FAM107B: variants seen among roughly 807,000 people sequenced by gnomAD.
FAM107B encodes the protein protein FAM107B.
Under a neutral mutation model 31.5 loss-of-function variants are expected in FAM107B, and 21 were observed. The observed-to-expected ratio is 0.67, with a 90% CI of 0.47 to 0.96. The LOEUF (loss-of-function observed/expected upper bound fraction) is 0.96. Among genes scored for constraint, FAM107B ranks in the 40% least tolerant of loss-of-function variants. FAM107B has a pLI of 0.00. For synonymous variants in FAM107B, 157 were observed against 141.5 expected (o/e 1.11, Z -0.78); for missense variants, 452 against 377.1 (o/e 1.20, Z -1.64).
chr10:14,706,906 C>G (rs1855533079), intron 1 of FAM107B, among the ~76,000 whole-genome samples: 1 of 152,164 alleles, frequency 6.6e-6, no homozygotes, highest in Non-Finnish European at 1.5e-5. Flanking sequence ...GCAGGCAGAT[C>G]ACGAGGTCAG....
chr10:14,537,417 A>G (rs1847733470), intron 2 of FAM107B, among the ~76,000 whole-genome samples: 1 of 152,168 alleles, frequency 6.6e-6, no homozygotes, highest in Admixed American at 6.5e-5. Context: ...GGGTGGGGCA[A>G]CCCGCATCTG....
intron 2 of FAM107B, among the ~76,000 whole-genome samples, chr10:14,533,338 G>A (rs1413430386): frequency 2.0e-5 from 3 of 152,146 alleles, no homozygotes; most frequent in African/African-American, 7.2e-5. Flanking sequence ...GAAAAGCACT[G>A]AGGAATCAAG....
intron 1 of FAM107B, among the ~76,000 whole-genome samples, chr10:14,734,470 A>T (rs1406641166): frequency 6.6e-6 from 1 of 150,448 alleles, no homozygotes; most frequent in African/African-American, 2.5e-5. Context: ...CCTAAACATA[A>T]TGAAATCTTT....
chr10:14,568,373 C>G (rs1850862638), intron 2 of FAM107B, among the ~76,000 whole-genome samples: 1 of 151,858 alleles, frequency 6.6e-6, no homozygotes, highest in African/African-American at 2.4e-5. Flanking sequence ...CAGGGTTAGA[C>G]CAGGAGGTGA....
intron 2 of FAM107B, among the ~76,000 whole-genome samples, chr10:14,563,805 C>T (rs879100764): frequency 6.6e-6 from 1 of 152,196 alleles, no homozygotes; most frequent in Non-Finnish European, 1.5e-5. Flanking sequence ...ATTACAGAAG[C>T]AGACATGAGA....
chr10:14,771,240 T>G (rs939649879), intron 1 of FAM107B, among the ~76,000 whole-genome samples: 3 of 152,172 alleles, frequency 2.0e-5, no homozygotes, highest in Non-Finnish European at 2.9e-5. Flanking sequence ...GCTTTGTCAC[T>G]CACAGGATGC....
At chr10:14,595,475 G>A (rs1336866643) in intron 2 of FAM107B, among the ~76,000 whole-genome samples, 1 of 131,554 alleles carries the variant, frequency 7.6e-6, no homozygotes, top group Admixed American at 9.7e-5. Context: ...ACCCAGGCTG[G>A]AGTACAGTGG....
intron 2 of FAM107B, chr10:14,602,489 C>T (rs1349526690): frequency 6.6e-6 from 1 of 152,198 alleles, no homozygotes; most frequent in Non-Finnish European, 1.5e-5. Flanking sequence ...TTTAAAAGAA[C>T]ATACACACTC....
At chr10:14,726,519 T>C (rs888350988) in intron 1 of FAM107B, among the ~76,000 whole-genome samples, 1 of 152,132 alleles carries the variant, frequency 6.6e-6, no homozygotes, top group Non-Finnish European at 1.5e-5. Context: ...ATTTGTCAGG[T>C]TCCCCAAGGC....
Position 14,521,130 on chromosome 10 carries a change from G to T in FAM107B, c.*60C>A. The T allele has an allele frequency of 1.5e-6, 2 of 1,321,162 alleles. No individual in the cohort carries two copies. The highest frequency in any genetic ancestry group is 1.3e-5 in the South Asian group (1 of 78,722). The allele number at this position is 1,321,162 out of a possible 1,614,324, so 81.8% of individuals were successfully genotyped here. ...CTCCAGGGGCTTTTGCCCTGAGATT[G>T]AGAAGGCACCCACAGACAGCTCTGT... On this transcript the variant is annotated 3_prime_UTR_variant, in exon 5 of 5. Coordinates refer to ENST00000181796, the MANE Select transcript of FAM107B (RefSeq NM_031453.4).
intron 1 of FAM107B, among the ~76,000 whole-genome samples, chr10:14,722,918 T>C (rs7070700): frequency 0.048 from 7,286 of 152,300 alleles, 291 homozygotes; most frequent in African/African-American, 0.11. Context: ...CTTACTCCTA[T>C]GTTTTCTTCT....
At chr10:14,698,139 A>G (rs1855310241) in intron 1 of FAM107B, among the ~76,000 whole-genome samples, 1 of 152,132 alleles carries the variant, frequency 6.6e-6, no homozygotes. Context: ...AAAAAAAAGA[A>G]GAAATATCAA....
intron 1 of FAM107B, among the ~76,000 whole-genome samples, chr10:14,755,961 T>G (rs1832922259): frequency 6.6e-6 from 1 of 152,174 alleles, no homozygotes; most frequent in South Asian, 2.1e-4. Context: ...ACCCAATAAA[T>G]ATACACTACT....
intron 1 of FAM107B, among the ~76,000 whole-genome samples, chr10:14,752,959 C>T (rs142022464): frequency 1.1e-3 from 160 of 151,866 alleles, no homozygotes; most frequent in African/African-American, 3.7e-3. Flanking sequence ...CTCATAAAAG[C>T]TTAGCCATTC....
intron 1 of FAM107B, among the ~76,000 whole-genome samples, chr10:14,757,441 T>C (rs1177786577): frequency 6.6e-6 from 1 of 151,270 alleles, no homozygotes; most frequent in Non-Finnish European, 1.5e-5. Context: ...AAAATGTATC[T>C]CTCTCTCTCT....
intron 3 of FAM107B, among the ~76,000 whole-genome samples, chr10:14,528,461 C>T (rs887820516): frequency 6.6e-6 from 1 of 152,014 alleles, no homozygotes; most frequent in Non-Finnish European, 1.5e-5. Flanking sequence ...GGATTACAGG[C>T]GTGATCCACG....
chr10:14,588,590 T>C (rs1300041778), intron 2 of FAM107B, among the ~76,000 whole-genome samples: 1 of 151,850 alleles, frequency 6.6e-6, no homozygotes, highest in African/African-American at 2.4e-5. Context: ...GCAGCGCAAG[T>C]AGAGAAAAAG....
chr10:14,624,347 C>T (rs1244813284), intron 2 of FAM107B, among the ~76,000 whole-genome samples: 1 of 152,184 alleles, frequency 6.6e-6, no homozygotes, highest in African/African-American at 2.4e-5. Flanking sequence ...TTTGTCTATC[C>T]TGCCCCATCT....
At chr10:14,666,941 T>A (rs1854417781) in intron 2 of FAM107B, among the ~76,000 whole-genome samples, 1 of 152,198 alleles carries the variant, frequency 6.6e-6, no homozygotes, top group Non-Finnish European at 1.5e-5. Flanking sequence ...AACATGAGCC[T>A]TTGCCAGCAG....
Sources: allele counts gnomAD v4.1 joint callset (sites outside exome capture counted in the v4.1 genomes callset), GRCh38; gene constraint gnomAD v4.1.1; transcripts MANE v1.5; gene names NCBI Gene and HGNC (gene_info 2026-07-23, HGNC 2026-07-21).